Variants in CAPN12 observed in about 807,000 individuals in gnomAD.
CAPN12 encodes calpain-12.
CAPN12 carries 107 observed loss-of-function variants against 95.0 expected under a neutral mutation model. The ratio of observed to expected loss-of-function variants is 1.13; its 90% CI spans 0.96 to 1.32. CAPN12 has a LOEUF of 1.32. Ranked by LOEUF, CAPN12 falls within the 40% of genes most tolerant of loss-of-function variation. The probability of loss-of-function intolerance (pLI) is 0.00; values close to 1 mark genes in which losing one functional copy is unlikely to be tolerated. For synonymous variants in CAPN12, 505 were observed against 415.5 expected (o/e 1.22, Z -2.62); for missense variants, 1,136 against 997.8 (o/e 1.14, Z -1.87).
At position 38,731,093 on chromosome 19, in the gene CAPN12, G is replaced by C. The variant is rs376997506; in HGVS notation, c.2074+14C>G. The stretch of plus-strand genomic sequence containing the variant: ...CCTTCCCCCCATGCCCCACCATGCC[G>C]GGGTGGTACTCACAGAAGATGCAGG... On this transcript the variant is annotated intron_variant, in intron 19 of 20. Transcript: ENST00000328867. The C allele has an allele frequency of 3.1e-6, 5 of 1,602,118 alleles. No homozygotes were observed. The East Asian group carries it at 1.1e-4, about 36-fold the overall frequency.
rs1224124921 is a variant in CAPN12 at position 38,743,069 on chromosome 19, C to T, written c.271G>A (p.Asp91Asn). 40 of 1,613,922 alleles carry T rather than the reference C, an allele frequency of 2.5e-5. No individual in the cohort carries two copies. The highest frequency in any genetic ancestry group is 3.2e-5 in the Non-Finnish European group (38 of 1,179,972). Residue 91 changes from aspartate (D) to asparagine (N), a missense_variant, in exon 2 of 21, where the codon GAC becomes AAC. Coordinates refer to ENST00000328867, the MANE Select transcript of CAPN12 (RefSeq NM_144691.4). ...TGACACACGTCTGTGCGGCTCATGT[C>T]TTCACAGATGAACTTCGGCTCAGCA... ...FCAEPKFICE[D>N]MSRTDVCQGS... is the part of the protein sequence containing the mutation.
Position 38,730,686 on chromosome 19 carries a change from G to A in CAPN12, c.*166C>T, listed in dbSNP as rs1185513058. ...GTCGCTGTTCTTGTTTCTGAGTGAG[G>A]AGTACGCAGGCCAGAGTGGTCACCC... On this transcript the variant is annotated 3_prime_UTR_variant, in exon 21 of 21. Coordinates refer to ENST00000328867, the MANE Select transcript of CAPN12 (RefSeq NM_144691.4). The A allele has an allele frequency of 8.2e-6, 6 of 733,716 alleles. No homozygotes were observed. In the East Asian group the frequency reaches 1.3e-4, roughly 16 times the overall value. The allele number at this position is 733,716 out of a possible 1,614,324, so 45.5% of individuals were successfully genotyped here. A position where few individuals can be genotyped will look rare whatever the true frequency, so the allele number is the denominator to read the frequency against.
intron 8 of CAPN12, among the ~76,000 whole-genome samples, chr19:38,737,983 G>C (rs1436340347): frequency 6.6e-6 from 1 of 152,044 alleles, no homozygotes; most frequent in Non-Finnish European, 1.5e-5. Flanking sequence ...ATATCACCAA[G>C]CCTTCCTCCA....
chr19:38,737,558 G>A lies in CAPN12; in HGVS notation c.1046C>T (p.Pro349Leu), dbSNP rs1263665974. The A allele has an allele frequency of 6.8e-6, 11 of 1,612,354 alleles. No homozygotes were observed. In the Middle Eastern group the frequency reaches 5.0e-4, roughly 73 times the overall value. Residue 349 changes from proline (P) to leucine (L), a missense_variant, in exon 9 of 21, where the codon CCG (proline) becomes CTG (leucine). Coordinates refer to ENST00000328867, the MANE Select transcript of CAPN12 (RefSeq NM_144691.4). ...SLSPEVLGPSPEGGGWHVHTF... is the reference protein window; with the variant it reads ...SLSPEVLGPSLEGGGWHVHTF... ...GTGGACGTGCCAGCCGCCCCCCTCC[G>A]GGCTGGGGCCCAGCACCTCCGGGCT...
chr19:38,742,425 G>A lies in CAPN12; in HGVS notation c.411C>T (p.Gly137=), dbSNP rs750875697. Residue 137 remains glycine (G), a synonymous_variant, in exon 3 of 21, where the codon GGC becomes GGT. Coordinates refer to ENST00000328867, the MANE Select transcript of CAPN12 (RefSeq NM_144691.4). ...PGQDFQHGYA[G]VFHFQLWQFG... ...TGAGCTGTACCTGGAAGTGGAAGAC[G>A]CCTGCGTAGCCATGCTGGAAATCCT... 16 of 1,613,092 alleles carry A rather than the reference G, an allele frequency of 9.9e-6. No individual in the cohort carries two copies. The South Asian group carries it at 1.1e-4, about 11-fold the overall frequency.
At chr19:38,742,024 A>T in intron 3 of CAPN12, 114 bp from the exon 4 acceptor site, 1 of 1,454,832 alleles carries the variant, frequency 6.9e-7, no homozygotes, top group South Asian at 1.3e-5. Flanking sequence ...GTCAACGTTA[A>T]CTATGAAATC....
chr19:38,733,834 C>A, intron 17 of CAPN12, 53 bp from the exon 18 acceptor site: 1 of 1,461,162 alleles, frequency 6.8e-7, no homozygotes, highest in Non-Finnish European at 9.6e-7. Flanking sequence ...AGAGGGCTGC[C>A]AATGGGGCCT....
chr19:38,731,228 G>A lies in CAPN12; in HGVS notation c.1958-5C>T. ...GCTGGTTGTTCAGGTGGAAGCCTAG[G>A]GGGAGGCTGCTTCTGAGCCCAGTGG... On this transcript the variant is annotated splice_region_variant and splice_polypyrimidine_tract_variant and intron_variant, in intron 18 of 20. Coordinates refer to ENST00000328867, the MANE Select transcript of CAPN12 (RefSeq NM_144691.4). 6.2e-7 allele frequency: 1 copy of A among 1,611,500 alleles called. No homozygotes were observed. The highest frequency in any genetic ancestry group is 8.5e-7 in the Non-Finnish European group (1 of 1,179,286).
At chr19:38,732,277 C>T (rs760994726) in intron 18 of CAPN12, among the ~76,000 whole-genome samples, 3 of 152,234 alleles carry the variant, frequency 2.0e-5, no homozygotes, top group East Asian at 3.8e-4. Context: ...CTCTGCCCCA[C>T]GTCTCCCAAT....
intron 4 of CAPN12, among the ~76,000 whole-genome samples, chr19:38,740,586 G>C (rs1236655658): frequency 2.6e-5 from 4 of 152,160 alleles, no homozygotes; most frequent in Admixed American, 1.3e-4. Context: ...GATCACCTGA[G>C]GTCAGGAGTT....
intron 10 of CAPN12, 25 bp from the exon 11 acceptor site, chr19:38,736,588 G>T: frequency 6.2e-7 from 1 of 1,603,734 alleles, no homozygotes; most frequent in Non-Finnish European, 8.5e-7. Flanking sequence ...AGCAAGGGGC[G>T]TCGGGGCAGG....
intron 14 of CAPN12, 28 bp downstream of exon 14, chr19:38,735,342 A>ACC: frequency 6.6e-7 from 1 of 1,520,336 alleles, no homozygotes; most frequent in Non-Finnish European, 8.9e-7. Context: ...GCAGCGGGAT[A>ACC]CCCCCTCAGT....
chr19:38,734,887 G>A lies in CAPN12; in HGVS notation c.1687-17C>T, dbSNP rs373082272. Reference sequence around the variant, plus strand: ...TTCTTCCTCCTAGTCCAGGAAAGAGGGCTTGTGAGGCCATTTACTCATCCA... The same window carrying A: ...TTCTTCCTCCTAGTCCAGGAAAGAGAGCTTGTGAGGCCATTTACTCATCCA... On this transcript the variant is annotated splice_polypyrimidine_tract_variant and intron_variant, in intron 14 of 20. Coordinates refer to ENST00000328867, the MANE Select transcript of CAPN12 (RefSeq NM_144691.4). 5.1e-5 allele frequency: 83 copies of A among 1,611,830 alleles called. No individual in the cohort carries two copies. The highest frequency in any genetic ancestry group is 1.6e-4 in the Middle Eastern group (1 of 6,078).
rs904014423 is a variant in CAPN12 at position 38,734,824 on chromosome 19, G to A, written c.1733C>T (p.Ala578Val). ...CCCAGCCAACTCACCAGGCTCCAGG[G>A]CAATGCTTAGTAAGGCCTGGAGCTG... is the stretch of plus-strand genomic sequence containing the variant. ...ASQLQALLSIALEPARAHTST... is the reference protein window; with the variant it reads ...ASQLQALLSIVLEPARAHTST... Residue 578 changes from alanine to valine, a missense_variant, in exon 15 of 21, where the codon GCC (alanine) becomes GTC (valine). Physicochemically the swap from Ala to Val is moderately conservative, Grantham distance 64. Coordinates refer to ENST00000328867, the MANE Select transcript of CAPN12 (RefSeq NM_144691.4). The A allele has an allele frequency of 1.2e-6, 2 of 1,612,610 alleles. No homozygotes were observed. The highest frequency in any genetic ancestry group is 8.5e-7 in the Non-Finnish European group (1 of 1,179,790).
chr19:38,731,415 C>G (rs889662691), intron 18 of CAPN12, 192 bp from the exon 19 acceptor site: 4 of 616,444 alleles, frequency 6.5e-6, no homozygotes, highest in Admixed American at 2.5e-5. Context: ...ATCAAACGGA[C>G]TAAGACAGCC....
intron 18 of CAPN12, 194 bp from the exon 19 acceptor site, chr19:38,731,417 A>AAGACAGCCCC: frequency 1.6e-6 from 1 of 614,098 alleles, no homozygotes; most frequent in Non-Finnish European, 3.0e-6. Flanking sequence ...CAAACGGACT[A>AAGACAGCCCC]AGACAGCCCC....
In CAPN12 at chr19:38,731,140, C is replaced by A. The variant is rs563664489; in HGVS notation, c.2041G>T (p.Val681Leu). The A allele has an allele frequency of 9.3e-6, 15 of 1,612,746 alleles. No individual in the cohort carries two copies. Among genetic ancestry groups the A allele is most frequent in the Non-Finnish European group, 1.2e-5 (14 of 1,179,916 alleles). Residue 681 changes from valine (V) to leucine (L), a missense_variant, in exon 19 of 21, where the codon GTG (valine) becomes TTG (leucine). By Grantham distance (32) the Val-to-Leu change is conservative (BLOSUM62 1). Coordinates refer to ENST00000328867, the MANE Select transcript of CAPN12 (RefSeq NM_144691.4). ...CAGGTGAGGTGGGCCACACAGGACA[C>A]GAACCGCTCGAAGTCCACACGCAGA... Reference protein sequence around the residue: ...SRLRVDFERFVSCVAHLTCIF... With the variant: ...SRLRVDFERFLSCVAHLTCIF...
intron 18 of CAPN12, among the ~76,000 whole-genome samples, chr19:38,731,774 G>A (rs141524840): frequency 4.6e-5 from 7 of 152,326 alleles, no homozygotes; most frequent in African/African-American, 7.2e-5. Flanking sequence ...TCCAAGTACC[G>A]TTTCATGGGC....
At chr19:38,740,318 T>C in intron 4 of CAPN12, 99 bp from the exon 5 acceptor site, 1 of 1,246,214 alleles carries the variant, frequency 8.0e-7, no homozygotes, top group Non-Finnish European at 1.1e-6. Flanking sequence ...GGGTGTGGAA[T>C]CCCCAGGGGA....
Sources: gnomAD v4.1 joint callset for allele counts (sites outside exome capture counted in the v4.1 genomes callset) on GRCh38, gnomAD v4.1.1 for gene constraint, MANE v1.5 for transcripts, NCBI Gene and HGNC (gene_info 2026-07-23, HGNC 2026-07-21) for gene names.